The following GNAL variants were observed in gnomAD, a reference collection of about 807,000 sequenced individuals.
GNAL encodes the protein G protein subunit alpha L.
Under a neutral mutation model 55.1 loss-of-function variants are expected in GNAL, and 18 were observed. That is an observed-to-expected ratio of 0.33 (90% CI 0.23 to 0.48). The LOEUF (loss-of-function observed/expected upper bound fraction) is 0.48, where lower values mean the gene tolerates loss of function less well. Ranked by LOEUF, GNAL falls within the 20% of genes least tolerant of loss-of-function variation. The probability of loss-of-function intolerance (pLI) is 0.99; values close to 1 mark genes in which losing one functional copy is unlikely to be tolerated. For missense variants in GNAL, 412 were observed against 614.1 expected (o/e 0.67, Z 3.48); for synonymous variants, 253 against 237.0 (o/e 1.07, Z -0.62).
chr18:11,819,958 TATAAA>T (rs2035051075), intron 4 of GNAL, among the ~76,000 whole-genome samples: 1 of 150,686 alleles, frequency 6.6e-6, no homozygotes, highest in African/African-American at 2.5e-5. Context: ...AAGTGGAACT[TATAAA>T]AAAAAAAGTT....
At chr18:11,777,308 C>CA (rs1186041698) in intron 4 of GNAL, among the ~76,000 whole-genome samples, 1 of 152,104 alleles carries the variant, frequency 6.6e-6, no homozygotes, top group Non-Finnish European at 1.5e-5. Context: ...ATGAACCATA[C>CA]AAAAAAATCA....
chr18:11,857,810 T>A, intron 5 of GNAL: 2 of 831,942 alleles, frequency 2.4e-6, no homozygotes, highest in Non-Finnish European at 1.5e-6. Flanking sequence ...TCTCCACCAG[T>A]ACGAACTCCT....
At chr18:11,710,799 C>T (rs956777107) in intron 1 of GNAL, among the ~76,000 whole-genome samples, 3 of 152,134 alleles carry the variant, frequency 2.0e-5, no homozygotes, top group African/African-American at 7.2e-5. Context: ...GTGACAAGTT[C>T]CTTTTCTCTT....
intron 5 of GNAL, among the ~76,000 whole-genome samples, chr18:11,860,818 C>T (rs186112230): frequency 8.5e-5 from 13 of 152,252 alleles, no homozygotes; most frequent in Admixed American, 2.0e-4. Flanking sequence ...AGGGCAGGCA[C>T]GTTTCTTAGG....
intron 4 of GNAL, among the ~76,000 whole-genome samples, chr18:11,782,624 T>A (rs538226928): frequency 1.5e-4 from 23 of 152,200 alleles, no homozygotes; most frequent in African/African-American, 5.5e-4. Context: ...TGGTTATTGA[T>A]CCTGTCTTAT....
chr18:11,843,692 C>T (rs1034206448), intron 5 of GNAL, among the ~76,000 whole-genome samples: 1 of 151,474 alleles, frequency 6.6e-6, no homozygotes, highest in African/African-American at 2.4e-5. Context: ...ATCGTTATGT[C>T]ACCAGGCACA....
intron 1 of GNAL, among the ~76,000 whole-genome samples, chr18:11,715,052 G>T (rs565200249): frequency 6.6e-6 from 1 of 152,098 alleles, no homozygotes; most frequent in Non-Finnish European, 1.5e-5. Flanking sequence ...GGCTGAGGTG[G>T]GAGGATTGCT....
At position 11,753,950 on chromosome 18, in the gene GNAL, G is replaced by C. The variant is rs2032948606; in HGVS notation, c.624+5G>C. The C allele has an allele frequency of 6.3e-7, 1 of 1,599,798 alleles. No homozygotes were observed. The highest frequency in any genetic ancestry group is 8.6e-7 in the Non-Finnish European group (1 of 1,168,824). On this transcript the variant is annotated splice_donor_5th_base_variant and intron_variant, in intron 4 of 11. Transcript: ENST00000334049. ...ACTGACTTTGAATATTCCCAGGTAA[G>C]AAATGCTTACTGAAATATTCTAACT...
Position 11,752,695 on chromosome 18 carries a change from G to T in GNAL, c.377-158G>T. 8.0e-7 allele frequency: 1 copy of T among 1,242,404 alleles called. No individual in the cohort carries two copies. Among genetic ancestry groups the T allele is most frequent in the South Asian group, 1.7e-5 (1 of 58,170 alleles). The allele number at this position is 1,242,404 out of a possible 1,614,324, so 77.0% of individuals were successfully genotyped here. A position where few individuals can be genotyped will look rare whatever the true frequency, so the allele number is the denominator to read the frequency against. Reference sequence around the variant, plus strand: ...AGGGTCGCGCGCACCTCTGGGCCGCGGAGCCCAGACGGCGGCCGGGGCGAG... The same window carrying T: ...AGGGTCGCGCGCACCTCTGGGCCGCTGAGCCCAGACGGCGGCCGGGGCGAG... On this transcript the variant is annotated intron_variant, in intron 1 of 11. Transcript: ENST00000334049. The surrounding 1 kb of genome is among the most constrained non-coding windows in gnomAD (Gnocchi z 4.5).
intron 1 of GNAL, among the ~76,000 whole-genome samples, chr18:11,735,210 C>A (rs988208478): frequency 1.3e-5 from 2 of 151,602 alleles, no homozygotes; most frequent in Non-Finnish European, 2.9e-5. Context: ...ACCACCACAC[C>A]CGTCTAATTT....
At chr18:11,717,417 C>A (rs528078800) in intron 1 of GNAL, among the ~76,000 whole-genome samples, 1 of 152,340 alleles carries the variant, frequency 6.6e-6, no homozygotes, top group East Asian at 1.9e-4. Flanking sequence ...GCAGAGGAGG[C>A]CCCGAGAGCG....
At chr18:11,718,155 G>A (rs1434377125) in intron 1 of GNAL, among the ~76,000 whole-genome samples, 1 of 151,942 alleles carries the variant, frequency 6.6e-6, no homozygotes, top group Non-Finnish European at 1.5e-5. Flanking sequence ...AGATTACCAA[G>A]GTAATACATG....
At chr18:11,880,264 CA>C (rs1321771364) in intron 11 of GNAL, among the ~76,000 whole-genome samples, 1 of 144,874 alleles carries the variant, frequency 6.9e-6, no homozygotes, top group Non-Finnish European at 1.5e-5. Context: ...CTCAAACAAA[CA>C]AAAAAACAAA....
chr18:11,689,835 A>G lies in GNAL; in HGVS notation c.272A>G (p.Glu91Gly). ...GCCGAGGAGCGCGAGGCGGCCAAGGAGCGCGAGGCGGTCAAGGAGGCGAGG... is the reference window on the plus strand; with the variant it reads ...GCCGAGGAGCGCGAGGCGGCCAAGGGGCGCGAGGCGGTCAAGGAGGCGAGG... Reference protein sequence around the residue: ...LSAEEREAAKEREAVKEARKV... With the variant: ...LSAEEREAAKGREAVKEARKV... The change falls in exon 1 of 12, where the codon GAG (glutamate) becomes GGG (glycine). Residue 91 changes from glutamate to glycine, a missense_variant. This residue lies in a region of GNAL where 228 missense variants were observed against 194.8 expected (regional missense o/e 1.17). Transcript: ENST00000334049. 6.5e-7 allele frequency: 1 copy of G among 1,538,224 alleles called. No homozygotes were observed. The highest frequency in any genetic ancestry group is 8.7e-7 in the Non-Finnish European group (1 of 1,145,482).
chr18:11,863,693 C>G (rs1399853613), intron 6 of GNAL, among the ~76,000 whole-genome samples: 3 of 152,156 alleles, frequency 2.0e-5, no homozygotes, highest in Non-Finnish European at 4.4e-5. Flanking sequence ...CCAGGGATGC[C>G]AGCTTTGTGA....
chr18:11,784,171 T>A (rs1210382600), intron 4 of GNAL, among the ~76,000 whole-genome samples: 1 of 152,264 alleles, frequency 6.6e-6, no homozygotes, highest in East Asian at 1.9e-4. Context: ...ACCAGCGTAC[T>A]TGTCTTTGGT....
chr18:11,796,937 T>A (rs182800198), intron 4 of GNAL, among the ~76,000 whole-genome samples: 1 of 152,324 alleles, frequency 6.6e-6, no homozygotes, highest in Admixed American at 6.5e-5. Flanking sequence ...GGTTTTCTTT[T>A]CATCTGAGGA....
chr18:11,716,734 C>T (rs1327162053), intron 1 of GNAL, among the ~76,000 whole-genome samples: 1 of 152,178 alleles, frequency 6.6e-6, no homozygotes, highest in Non-Finnish European at 1.5e-5. Context: ...TTGGTGCATT[C>T]ACAAACCCTG....
At chr18:11,743,230 T>A (rs1397114422) in intron 1 of GNAL, among the ~76,000 whole-genome samples, 1 of 151,830 alleles carries the variant, frequency 6.6e-6, no homozygotes, top group East Asian at 1.9e-4. Context: ...GGCGCTAGGA[T>A]TTACACAGAA....
Sources: gnomAD v4.1 joint callset for allele counts (sites outside exome capture counted in the v4.1 genomes callset) on GRCh38, gnomAD v4.1.1 for gene constraint, gnomAD v4.1.1 regional missense constraint, Gnocchi (gnomAD v3.1) non-coding constraint, MANE v1.5 for transcripts, NCBI Gene and HGNC (gene_info 2026-07-23, HGNC 2026-07-21) for gene names.